IL1RAPL2: variants seen among roughly 807,000 people sequenced by gnomAD.
IL1RAPL2 encodes interleukin 1 receptor accessory protein like 2.
IL1RAPL2 carries 3 observed loss-of-function variants against 44.1 expected under a neutral mutation model. The observed-to-expected ratio is 0.07, with a 90% CI of 0.03 to 0.18. The LOEUF is 0.18. IL1RAPL2 is among the 10% of genes least tolerant of loss of function. The pLI is 1.00. For missense variants in IL1RAPL2, 391 were observed against 496.4 expected (o/e 0.79, Z 2.02); for synonymous variants, 181 against 178.8 (o/e 1.01, Z -0.10).
chrX:105,263,074 G>A (rs939625994), intron 4 of IL1RAPL2, among the ~76,000 whole-genome samples: 1 of 109,929 alleles, frequency 9.1e-6, no homozygotes, highest in African/African-American at 3.3e-5. Flanking sequence ...TAGTAGAGAC[G>A]GTGTTTCTCC....
intron 2 of IL1RAPL2, among the ~76,000 whole-genome samples, chrX:104,836,318 C>A (rs1020643098): frequency 9.2e-6 from 1 of 108,869 alleles, no homozygotes; most frequent in African/African-American, 3.3e-5. Flanking sequence ...TAAAAAAAAA[C>A]CCAGAAAGAG....
rs750673034 is a variant in IL1RAPL2 at position 104,579,482 on chromosome X, A to G, written c.-20+12431A>G. On this transcript the variant is annotated intron_variant, in intron 1 of 10. Coordinates refer to ENST00000372582, the MANE Select transcript of IL1RAPL2 (RefSeq NM_017416.2). ...ACCTGGAGGCCATTATCCTAAGCAA[A>G]CTAATGCAAGCTAATGCAGGAACAG... Among the ~76,000 whole-genome samples, 7 of 111,991 alleles carry G rather than the reference A, an allele frequency of 6.3e-5. No individual in the cohort carries two copies. In the South Asian group the frequency reaches 2.6e-3, roughly 42 times the overall value.
At chrX:105,635,142 G>T (rs2037514969) in intron 6 of IL1RAPL2, among the ~76,000 whole-genome samples, 1 of 111,731 alleles carries the variant, frequency 9.0e-6, no homozygotes, top group African/African-American at 3.2e-5. Context: ...GATTGCAAAT[G>T]GTATAGTTTC....
Position 104,834,412 on chromosome X carries a change from T to C in IL1RAPL2, c.82+175417T>C, listed in dbSNP as rs577945948. Among the ~76,000 whole-genome samples, 9 of 111,665 alleles carry C rather than the reference T, an allele frequency of 8.1e-5. No homozygotes were observed. In the East Asian group the frequency reaches 1.7e-3, roughly 21 times the overall value. ...AATATTCTATTATCTAGCTTGTCCT[T>C]TGGCTCTTTGTCTACATTATTATTG... On this transcript the variant is annotated intron_variant, in intron 2 of 10. Transcript: ENST00000372582.
At chrX:105,123,972 G>T (rs769769780) in intron 2 of IL1RAPL2, among the ~76,000 whole-genome samples, 79 of 110,775 alleles carry the variant, frequency 7.1e-4, no homozygotes, top group African/African-American at 2.6e-3. Flanking sequence ...ATCCATTATG[G>T]TTCCTTTTGG....
intron 2 of IL1RAPL2, among the ~76,000 whole-genome samples, chrX:104,739,074 G>T (rs989514062): frequency 1.8e-5 from 2 of 111,513 alleles, no homozygotes; most frequent in Non-Finnish European, 3.8e-5. Flanking sequence ...CAAGGGAGGA[G>T]AACCAGTGAG....
chrX:105,014,478 C>T (rs1157813403), intron 2 of IL1RAPL2, among the ~76,000 whole-genome samples: 3 of 110,507 alleles, frequency 2.7e-5, no homozygotes, highest in African/African-American at 6.6e-5. Context: ...CACAACCCCC[C>T]GACAGGCCCT....
At chrX:104,586,358 A>G (rs1200665030) in intron 1 of IL1RAPL2, among the ~76,000 whole-genome samples, 1 of 111,768 alleles carries the variant, frequency 8.9e-6, no homozygotes. Context: ...TGTCACATGC[A>G]TAGTTTGCAA....
intron 2 of IL1RAPL2, among the ~76,000 whole-genome samples, chrX:104,903,118 C>T (rs1268165942): frequency 1.8e-5 from 2 of 111,508 alleles, no homozygotes; most frequent in Non-Finnish European, 3.8e-5. Context: ...ATACAATAGC[C>T]AAAACCTTTT....
chrX:104,708,961 G>A (rs1249303902), intron 2 of IL1RAPL2, among the ~76,000 whole-genome samples: 2 of 111,318 alleles, frequency 1.8e-5, no homozygotes, highest in African/African-American at 6.5e-5. Flanking sequence ...ATCTGCTACT[G>A]AAAATTAAAA....
intron 2 of IL1RAPL2, among the ~76,000 whole-genome samples, chrX:104,956,439 T>C (rs966809289): frequency 1.1e-5 from 1 of 90,932 alleles, no homozygotes; most frequent in Non-Finnish European, 2.2e-5. Flanking sequence ...CTGGCCAACA[T>C]GGCAAAACCC....
At chrX:105,299,638 T>TA (rs762320763) in intron 5 of IL1RAPL2, among the ~76,000 whole-genome samples, 4 of 111,696 alleles carry the variant, frequency 3.6e-5, no homozygotes, top group African/African-American at 1.3e-4. Flanking sequence ...ATCCTGTCTA[T>TA]AGGAACAATG....
At chrX:105,333,596 AAT>A (rs1401251346) in intron 5 of IL1RAPL2, among the ~76,000 whole-genome samples, 2 of 111,906 alleles carry the variant, frequency 1.8e-5, no homozygotes, top group Admixed American at 9.5e-5. Context: ...AATGGGAGGA[AAT>A]ATTTGCAAAC....
chrX:105,040,666 C>T (rs1050932532), intron 2 of IL1RAPL2, among the ~76,000 whole-genome samples: 18 of 110,232 alleles, frequency 1.6e-4, no homozygotes, highest in South Asian at 3.8e-4. Flanking sequence ...AGTTTATTTG[C>T]GTAGAGGTGT....
intron 5 of IL1RAPL2, among the ~76,000 whole-genome samples, chrX:105,419,942 T>G (rs1174643447): frequency 9.0e-6 from 1 of 111,622 alleles, no homozygotes; most frequent in Non-Finnish European, 1.9e-5. Context: ...GTGAGACCAT[T>G]TGTGAAAGGA....
chrX:104,884,860 C>T (rs1340003922), intron 2 of IL1RAPL2, among the ~76,000 whole-genome samples: 3 of 111,066 alleles, frequency 2.7e-5, no homozygotes, highest in Non-Finnish European at 5.7e-5. Context: ...TGATAAGCCT[C>T]CTCTAATCTC....
chrX:104,725,617 C>T (rs1369524137), intron 2 of IL1RAPL2, among the ~76,000 whole-genome samples: 7 of 112,075 alleles, frequency 6.2e-5, no homozygotes, highest in Non-Finnish European at 1.9e-5. Flanking sequence ...TTTTGATTTG[C>T]ATTTCTCTAA....
At chrX:105,219,226 G>T (rs781916996) in intron 3 of IL1RAPL2, 1 of 1,208,900 alleles carries the variant, frequency 8.3e-7, no homozygotes, top group African/African-American at 1.8e-5. Flanking sequence ...TGCTGTGACT[G>T]TTGCTTGTGG....
intron 7 of IL1RAPL2, among the ~76,000 whole-genome samples, chrX:105,735,518 C>T (rs2038440491): frequency 9.0e-6 from 1 of 111,509 alleles, no homozygotes; most frequent in South Asian, 3.7e-4. Context: ...AAACCAGTCT[C>T]TTTAATACCT....
Sources: allele counts gnomAD v4.1 joint callset (sites outside exome capture counted in the v4.1 genomes callset), GRCh38; gene constraint gnomAD v4.1.1; transcripts MANE v1.5; gene names NCBI Gene and HGNC (gene_info 2026-07-23, HGNC 2026-07-21).